Variants in KCNK10 observed in about 807,000 individuals in gnomAD.
KCNK10 encodes the protein potassium channel subfamily K member 10.
In KCNK10, 25 loss-of-function variants were observed where a neutral mutation model predicts 47.7. That is an observed-to-expected ratio of 0.52 (90% confidence interval 0.38 to 0.73). KCNK10 has a LOEUF of 0.73. Ranked by LOEUF, KCNK10 falls within the 30% of genes least tolerant of loss-of-function variation. The pLI, the probability that KCNK10 is intolerant of heterozygous loss-of-function variation, is 0.00. For synonymous variants in KCNK10, 303 were observed against 285.6 expected, an observed-to-expected ratio of 1.06 and a Z score of -0.61; for missense variants, 563 against 714.5, an observed-to-expected ratio of 0.79 and a Z score of 2.42.
chr14:88,285,200 C>T (rs1887734102), intron 1 of KCNK10, among the ~76,000 whole-genome samples: 2 of 152,218 alleles, frequency 1.3e-5, no homozygotes, highest in Admixed American at 6.5e-5. Context: ...CAACCTCTGC[C>T]TCCCGGATTC....
intron 5 of KCNK10, among the ~76,000 whole-genome samples, chr14:88,190,906 C>G (rs1023339864): frequency 1.3e-5 from 2 of 152,020 alleles, no homozygotes; most frequent in Non-Finnish European, 2.9e-5. Context: ...CTGATGTGCA[C>G]AGTATTCCAT....
chr14:88,299,714 T>G (rs1888057225), intron 1 of KCNK10, among the ~76,000 whole-genome samples: 1 of 152,184 alleles, frequency 6.6e-6, no homozygotes, highest in Admixed American at 6.5e-5. Flanking sequence ...GTGCTTGGGG[T>G]AAGGCTACAT....
intron 1 of KCNK10, among the ~76,000 whole-genome samples, chr14:88,297,665 G>A (rs17124437): frequency 0.013 from 1,991 of 152,216 alleles, 48 homozygotes; most frequent in African/African-American, 0.045. Context: ...AGTGAGTCAC[G>A]ATCCCCAAAA....
intron 4 of KCNK10, among the ~76,000 whole-genome samples, chr14:88,220,188 C>A (rs866066152): frequency 5.9e-5 from 9 of 151,906 alleles, no homozygotes; most frequent in African/African-American, 2.2e-4. Flanking sequence ...GAGGCCGAGG[C>A]GGGCGGATCA....
chr14:88,236,654 T>A (rs1465968891), intron 3 of KCNK10, among the ~76,000 whole-genome samples: 2 of 152,242 alleles, frequency 1.3e-5, no homozygotes, highest in African/African-American at 4.8e-5. Flanking sequence ...GAGTTAGACT[T>A]CAGACCACCA....
At chr14:88,299,737 T>C (rs939240340) in intron 1 of KCNK10, among the ~76,000 whole-genome samples, 17 of 152,172 alleles carry the variant, frequency 1.1e-4, no homozygotes, top group African/African-American at 4.1e-4. Context: ...ATTTAAGATT[T>C]AAGGGGTTAA....
intron 2 of KCNK10, among the ~76,000 whole-genome samples, chr14:88,247,798 A>G (rs1420291367): frequency 6.6e-6 from 1 of 152,192 alleles, no homozygotes; most frequent in East Asian, 1.9e-4. Flanking sequence ...ACTAACGACT[A>G]ATCTATCTAA....
At chr14:88,261,300 C>G (rs1019917934) in intron 2 of KCNK10, among the ~76,000 whole-genome samples, 2 of 152,096 alleles carry the variant, frequency 1.3e-5, no homozygotes, top group African/African-American at 4.8e-5. Context: ...AAAAAGGATC[C>G]TACCTCATAT....
intron 1 of KCNK10, chr14:88,270,619 AG>A: frequency 2.7e-6 from 2 of 750,538 alleles, no homozygotes; most frequent in South Asian, 2.9e-5. Context: ...GACCCTATGG[AG>A]CCATGAGAAG....
At chr14:88,312,517 C>T (rs1888347289) in intron 1 of KCNK10, among the ~76,000 whole-genome samples, 1 of 152,220 alleles carries the variant, frequency 6.6e-6, no homozygotes, top group Non-Finnish European at 1.5e-5. Flanking sequence ...CCAGACACCC[C>T]ATTCCCCAGC....
At chr14:88,200,918 G>A (rs958447122) in intron 4 of KCNK10, among the ~76,000 whole-genome samples, 4 of 152,178 alleles carry the variant, frequency 2.6e-5, no homozygotes, top group Non-Finnish European at 4.4e-5. Flanking sequence ...GTGAGAGAGT[G>A]TAAAAGGGAC....
chr14:88,321,333 C>A (rs1194743886), intron 1 of KCNK10, among the ~76,000 whole-genome samples: 4 of 152,232 alleles, frequency 2.6e-5, no homozygotes, highest in Non-Finnish European at 5.9e-5. Context: ...TTCTATCAGA[C>A]ACTTTCTTAA....
At chr14:88,219,110 T>C (rs1474464262) in intron 4 of KCNK10, among the ~76,000 whole-genome samples, 2 of 152,130 alleles carry the variant, frequency 1.3e-5, no homozygotes, top group Non-Finnish European at 2.9e-5. Flanking sequence ...TTTTCTCAGG[T>C]GTGAAATCTA....
chr14:88,199,493 A>C (rs1342188109), intron 4 of KCNK10, among the ~76,000 whole-genome samples: 1 of 152,192 alleles, frequency 6.6e-6, no homozygotes, highest in African/African-American at 2.4e-5. Flanking sequence ...CTGTCTGGGA[A>C]GGACAAGAAC....
rs568968092 is a variant in KCNK10 at position 88,287,457 on chromosome 14, T to C, written c.53-23906A>G. On this transcript the variant is annotated intron_variant, in intron 1 of 6. Coordinates refer to ENST00000319231, the MANE Select transcript of KCNK10 (RefSeq NM_138317.3). ...ACACTGTACCCAATTTGCTGTCTTT[T>C]ATCCCTCACTGCCCCCACCCTTTTC... Among the ~76,000 whole-genome samples the C allele has an allele frequency of 3.9e-4, 59 of 152,282 alleles. 2 individuals are homozygous for C. In the South Asian group the frequency reaches 8.1e-3, roughly 21 times the overall value.
chr14:88,326,699 C>T, upstream of KCNK10: 1 of 542,692 alleles, frequency 1.8e-6, no homozygotes, highest in East Asian at 3.2e-5. Flanking sequence ...GCACGGGTCT[C>T]TGCAGCTCAA....
At chr14:88,202,367 T>C (rs1267567087) in intron 4 of KCNK10, among the ~76,000 whole-genome samples, 4 of 152,174 alleles carry the variant, frequency 2.6e-5, no homozygotes, top group South Asian at 2.1e-4. Flanking sequence ...CTTCTTTAGT[T>C]TGGTGAAAGA....
intron 2 of KCNK10, among the ~76,000 whole-genome samples, chr14:88,256,536 A>G (rs1346462157): frequency 6.6e-6 from 1 of 152,038 alleles, no homozygotes; most frequent in East Asian, 1.9e-4. Flanking sequence ...AACCCTCTCA[A>G]TGGAATAGCA....
chr14:88,317,002 C>G (rs1425177302), intron 1 of KCNK10, among the ~76,000 whole-genome samples: 1 of 152,176 alleles, frequency 6.6e-6, no homozygotes, highest in African/African-American at 2.4e-5. Flanking sequence ...ACAGCAAAGT[C>G]AACCTGCTCA....
Sources: gnomAD v4.1 joint callset for allele counts (sites outside exome capture counted in the v4.1 genomes callset) on GRCh38, gnomAD v4.1.1 for gene constraint, MANE v1.5 for transcripts, NCBI Gene and HGNC (gene_info 2026-07-23, HGNC 2026-07-21) for gene names.